NRG1: variants seen among roughly 807,000 people sequenced by gnomAD.
NRG1 encodes pro-neuregulin-1, membrane-bound isoform.
In NRG1, 18 loss-of-function variants were observed where a neutral mutation model predicts 63.8. The observed-to-expected ratio is 0.28, with a 90% CI of 0.19 to 0.42. NRG1 has a LOEUF of 0.42. Ranked by LOEUF, NRG1 falls within the 10% of genes least tolerant of loss-of-function variation. The probability of loss-of-function intolerance (pLI) is 1.00; values close to 1 mark genes in which losing one functional copy is unlikely to be tolerated. For synonymous variants in NRG1, 302 were observed against 301.3 expected (o/e 1.00, Z -0.02); for missense variants, 762 against 814.7 (o/e 0.94, Z 0.79).
At chr8:31,942,888 A>G (rs1372896715) in intron 1 of NRG1, among the ~76,000 whole-genome samples, 1 of 150,180 alleles carries the variant, frequency 6.7e-6, no homozygotes, top group African/African-American at 2.4e-5. Context: ...AAAAAAAAAA[A>G]CCAACAAAAA....
intron 1 of NRG1, among the ~76,000 whole-genome samples, chr8:32,502,103 G>A (rs1341084088): frequency 2.0e-5 from 3 of 152,126 alleles, no homozygotes; most frequent in South Asian, 2.1e-4. Flanking sequence ...AAGAAAAGAG[G>A]TTGACTCACA....
chr8:32,607,644 A>G (rs1250601410), intron 3 of NRG1, among the ~76,000 whole-genome samples: 2 of 152,190 alleles, frequency 1.3e-5, no homozygotes, highest in Non-Finnish European at 2.9e-5. Flanking sequence ...TTACATAGGA[A>G]AAACAGCTAA....
chr8:32,671,128 C>CTT (rs59521980), intron 5 of NRG1, among the ~76,000 whole-genome samples: 1 of 134,314 alleles, frequency 7.4e-6, no homozygotes, highest in Admixed American at 7.4e-5. Flanking sequence ...TGTTCTTATG[C>CTT]TTTTTTTTTT....
Position 31,822,622 on chromosome 8 carries a change from A to G in NRG1, c.37+183191A>G, listed in dbSNP as rs1824112850. 2.0e-5 allele frequency among the ~76,000 whole-genome samples: 3 copies of G among 152,236 alleles called. No individual in the cohort carries two copies. In the South Asian group the frequency reaches 6.2e-4, roughly 31 times the overall value. On this transcript the variant is annotated intron_variant, in intron 1 of 10. Transcript: ENST00000519301. ...TGTTTTAGGTAATAGGTTGATATTT[A>G]GCCTATTAAAAAGGCAGACCCTGGC...
At chr8:32,261,441 C>T (rs571717522) in intron 1 of NRG1, among the ~76,000 whole-genome samples, 7 of 151,374 alleles carry the variant, frequency 4.6e-5, no homozygotes, top group African/African-American at 1.2e-4. Context: ...GCAATGAATT[C>T]GAAACGGAGG....
intron 1 of NRG1, among the ~76,000 whole-genome samples, chr8:31,920,418 T>C (rs1163037231): frequency 6.6e-6 from 1 of 152,196 alleles, no homozygotes; most frequent in African/African-American, 2.4e-5. Context: ...TAATCATTAA[T>C]GCATGTATGG....
intron 1 of NRG1, among the ~76,000 whole-genome samples, chr8:32,022,718 G>A (rs866828450): frequency 1.3e-5 from 2 of 152,186 alleles, no homozygotes; most frequent in South Asian, 4.1e-4. Context: ...AAAAATAATT[G>A]TAGCTCAAGA....
At chr8:32,544,416 T>C (rs1832859510), upstream of NRG1, among the ~76,000 whole-genome samples, 2 of 152,012 alleles carry the variant, frequency 1.3e-5, no homozygotes, top group South Asian at 4.1e-4. Context: ...TCTCACAATA[T>C]TTTAGGTTCA....
intron 7 of NRG1, among the ~76,000 whole-genome samples, chr8:32,747,732 GTATATATATA>G (rs35663919): frequency 2.3e-5 from 3 of 132,122 alleles, no homozygotes; most frequent in East Asian, 2.3e-4. Flanking sequence ...ATGTGTGTGT[GTATATATATA>G]TATATATATA....
At chr8:32,066,882 T>C (rs1305901270) in intron 1 of NRG1, among the ~76,000 whole-genome samples, 1 of 151,946 alleles carries the variant, frequency 6.6e-6, no homozygotes, top group African/African-American at 2.4e-5. Context: ...GGTTTGTAGT[T>C]CTCCTTGAAG....
At chr8:32,180,865 A>T (rs1365189418) in intron 1 of NRG1, among the ~76,000 whole-genome samples, 1 of 152,026 alleles carries the variant, frequency 6.6e-6, no homozygotes, top group African/African-American at 2.4e-5. Flanking sequence ...TATTCCCCCA[A>T]TTGAAGTTGT....
chr8:31,857,955 G>A (rs1012080282), intron 1 of NRG1, among the ~76,000 whole-genome samples: 12 of 152,094 alleles, frequency 7.9e-5, no homozygotes, highest in African/African-American at 2.9e-4. Context: ...CTGGCTCTTG[G>A]AAGTTGACAA....
At chr8:32,388,784 G>T (rs1407967004) in intron 1 of NRG1, among the ~76,000 whole-genome samples, 1 of 151,924 alleles carries the variant, frequency 6.6e-6, no homozygotes, top group Non-Finnish European at 1.5e-5. Flanking sequence ...TGATAAATTA[G>T]TAATAATAAA....
chr8:31,917,770 G>T (rs1233551311), intron 1 of NRG1, among the ~76,000 whole-genome samples: 1 of 152,180 alleles, frequency 6.6e-6, no homozygotes, highest in South Asian at 2.1e-4. Context: ...GATGGGGATG[G>T]CATTGAATCT....
At chr8:31,918,127 A>G (rs974933731) in intron 1 of NRG1, among the ~76,000 whole-genome samples, 1 of 152,168 alleles carries the variant, frequency 6.6e-6, no homozygotes, top group African/African-American at 2.4e-5. Flanking sequence ...TTTTCTAGAT[A>G]TACAATCATG....
intron 1 of NRG1, among the ~76,000 whole-genome samples, chr8:31,851,899 AT>A (rs1827268678): frequency 6.6e-6 from 1 of 150,970 alleles, no homozygotes; most frequent in African/African-American, 2.4e-5. Context: ...GAGAATGATG[AT>A]TTCCAATTTC....
chr8:32,431,741 T>C (rs1389176079), intron 1 of NRG1, among the ~76,000 whole-genome samples: 1 of 99,600 alleles, frequency 1.0e-5, no homozygotes, highest in African/African-American at 3.1e-5. Flanking sequence ...CTCTCAGGGT[T>C]TTTTTTTTCT....
intron 6 of NRG1, among the ~76,000 whole-genome samples, chr8:32,735,018 A>G (rs923282735): frequency 6.6e-6 from 1 of 152,192 alleles, no homozygotes; most frequent in Non-Finnish European, 1.5e-5. Context: ...AGGTTTGCCA[A>G]GTGCTATGAA....
intron 1 of NRG1, among the ~76,000 whole-genome samples, chr8:31,871,810 A>G (rs1388892410): frequency 6.6e-6 from 1 of 152,172 alleles, no homozygotes; most frequent in Non-Finnish European, 1.5e-5. Flanking sequence ...TTGGCCCACG[A>G]CACATAATGA....
Sources: gnomAD v4.1 joint callset for allele counts (sites outside exome capture counted in the v4.1 genomes callset) on GRCh38, gnomAD v4.1.1 for gene constraint, MANE v1.5 for transcripts, NCBI Gene and HGNC (gene_info 2026-07-23, HGNC 2026-07-21) for gene names.